Variants in RALGAPB observed in about 807,000 individuals in gnomAD.
RALGAPB encodes the protein ral GTPase-activating protein subunit beta.
A neutral mutation model predicts 161.1 loss-of-function variants in RALGAPB; 25 were observed. The observed-to-expected ratio is 0.16, with a 90% CI of 0.11 to 0.22. The LOEUF is 0.22. Among genes scored for constraint, RALGAPB ranks in the 10% least tolerant of loss-of-function variants. The pLI is 1.00. For missense variants in RALGAPB, 1,391 were observed against 1,815.2 expected (o/e 0.77, Z 4.25); for synonymous variants, 629 against 626.1 (o/e 1.00, Z -0.07).
intron 9 of RALGAPB, among the ~76,000 whole-genome samples, chr20:38,520,576 T>A (rs1244735796): frequency 6.6e-6 from 1 of 150,616 alleles, no homozygotes; most frequent in Non-Finnish European, 1.5e-5. Context: ...TATACAGATT[T>A]AGTGTTTGAT....
At chr20:38,516,424 A>G in intron 7 of RALGAPB, 54 bp downstream of exon 7, 2 of 1,511,390 alleles carry the variant, frequency 1.3e-6, no homozygotes, top group Non-Finnish European at 1.8e-6. Context: ...AGATAACTCT[A>G]GAGGCTAACC....
At chr20:38,529,461 G>A (rs1368426843) in intron 13 of RALGAPB, among the ~76,000 whole-genome samples, 1 of 151,524 alleles carries the variant, frequency 6.6e-6, no homozygotes. Context: ...AGGTTGCAGT[G>A]AGCCAAGATC....
chr20:38,542,942 A>T (rs1227267862), intron 18 of RALGAPB, among the ~76,000 whole-genome samples: 5 of 152,148 alleles, frequency 3.3e-5, no homozygotes, highest in Admixed American at 2.0e-4. Context: ...AAAGGAGGGG[A>T]CATTTCTCAC....
At position 38,565,474 on chromosome 20, in the gene RALGAPB, C is replaced by T; in HGVS notation, c.3813C>T (p.Ser1271=). 6.2e-7 allele frequency: 1 copy of T among 1,612,962 alleles called. No individual in the cohort carries two copies. The highest frequency in any genetic ancestry group is 8.5e-7 in the Non-Finnish European group (1 of 1,179,384). The change falls in exon 25 of 30, where the codon TCC becomes TCT. Residue 1271 remains serine (S), a synonymous_variant. Transcript: ENST00000262879. ...TTGTGGTTCCTTCTCCTGTGGAGTC[C>T]TTAAGTAAGATGATTTTTGCATGGT... ...IAFVVPSPVE[S]LTDSLESNIS...
In RALGAPB at chr20:38,574,765, A is replaced by G. The variant is rs569430820; in HGVS notation, c.4292-9A>G. ...TCTAACGTTTATTTTAAAACTCTCT[A>G]TTTTCAAGGCTTTCTGGTGAGGCAG... On this transcript the variant is annotated splice_polypyrimidine_tract_variant and intron_variant, in intron 29 of 29. Coordinates refer to ENST00000262879, the MANE Select transcript of RALGAPB (RefSeq NM_020336.4). The G allele has an allele frequency of 3.7e-6, 6 of 1,610,980 alleles. No homozygotes were observed. The highest frequency in any genetic ancestry group is 3.3e-5 in the South Asian group (3 of 90,936).
intron 16 of RALGAPB, 89 bp downstream of exon 16, chr20:38,535,296 T>C: frequency 7.0e-7 from 1 of 1,432,000 alleles, no homozygotes; most frequent in South Asian, 1.3e-5. Context: ...GTGGGTATTT[T>C]AGTGTTGATC....
chr20:38,484,329 A>C (rs80072286), intron 1 of RALGAPB, among the ~76,000 whole-genome samples: 62 of 152,272 alleles, frequency 4.1e-4, no homozygotes, highest in African/African-American at 1.5e-3. Flanking sequence ...GGACCTCCAT[A>C]GTTGGGTTAT....
intron 26 of RALGAPB, chr20:38,568,318 T>C (rs1000127711): frequency 1.3e-5 from 2 of 151,304 alleles, no homozygotes; most frequent in African/African-American, 4.8e-5. Flanking sequence ...GAAAACGCAG[T>C]TGACAAAAAT....
At chr20:38,475,706 C>T (rs1169345298) in intron 1 of RALGAPB, among the ~76,000 whole-genome samples, 4 of 151,792 alleles carry the variant, frequency 2.6e-5, no homozygotes, top group Admixed American at 2.6e-4. Flanking sequence ...CCTCCGCCTC[C>T]TGGGTTCAAA....
At chr20:38,488,248 T>A (rs1040261667) in intron 1 of RALGAPB, among the ~76,000 whole-genome samples, 155 bp from the exon 2 acceptor site, 1 of 152,208 alleles carries the variant, frequency 6.6e-6, no homozygotes. Flanking sequence ...TTGAAAAACA[T>A]TGATAGTTTC....
chr20:38,571,649 G>GA (rs1400748305), intron 28 of RALGAPB, among the ~76,000 whole-genome samples: 2 of 152,194 alleles, frequency 1.3e-5, no homozygotes, highest in African/African-American at 2.4e-5. Flanking sequence ...CTATTGTGAA[G>GA]AATGCTGCAG....
chr20:38,546,379 G>A lies in RALGAPB; in HGVS notation c.2851G>A (p.Asp951Asn). The change falls in exon 19 of 30, where the codon GAT (aspartate) becomes AAT (asparagine). Residue 951 changes from aspartate (D) to asparagine (N), a missense_variant. Physicochemically the swap from Asp to Asn is conservative, Grantham distance 23. Around this residue, in one of 3 missense-constraint regions of RALGAPB, gnomAD observed 946 missense variants for 1,257.2 expected, o/e 0.75. Coordinates refer to ENST00000262879, the MANE Select transcript of RALGAPB (RefSeq NM_020336.4). ...NKHSFRYFVL[D>N]NSVILAMLEQ... is the part of the protein sequence containing the mutation. The stretch of plus-strand genomic sequence containing the variant: ...GCATAGTTTCCGGTACTTTGTCTTG[G>A]ATAACAGTGTCATCCTGGCAATGCT... The A allele has an allele frequency of 6.2e-7, 1 of 1,614,034 alleles. No homozygotes were observed. The highest frequency in any genetic ancestry group is 2.2e-5 in the East Asian group (1 of 44,876).
chr20:38,573,222 A>C (rs1814054301), intron 28 of RALGAPB, among the ~76,000 whole-genome samples: 1 of 152,106 alleles, frequency 6.6e-6, no homozygotes, highest in East Asian at 1.9e-4. Context: ...CAAAGGTTGT[A>C]ATACAATTTG....
At chr20:38,574,722 CTACGTA>C in intron 29 of RALGAPB, 46 bp from the exon 30 acceptor site, 1 of 1,495,682 alleles carries the variant, frequency 6.7e-7, no homozygotes, top group African/African-American at 1.4e-5. Context: ...TACAGTTCAC[CTACGTA>C]AGTGACTAGT....
rs1740586761 is a variant in RALGAPB at position 38,577,974 on chromosome 20, C to T, written c.*3007C>T. ...GCAGAGTCTTTAAGAGTATTCATTTCTTCTGGAAGGTGGAGCTTTACCCAA... is the reference window on the plus strand; with the variant it reads ...GCAGAGTCTTTAAGAGTATTCATTTTTTCTGGAAGGTGGAGCTTTACCCAA... On this transcript the variant is annotated 3_prime_UTR_variant, in exon 30 of 30. Transcript: ENST00000262879. 6.6e-6 allele frequency: 1 copy of T among 152,082 alleles called. No homozygotes were observed. Among genetic ancestry groups the T allele is most frequent in the Admixed American group, 6.5e-5 (1 of 15,274 alleles). 9.4% of individuals were successfully genotyped at this position (152,082 alleles called of 1,614,324 possible).
intron 2 of RALGAPB, 46 bp downstream of exon 2, chr20:38,488,664 G>A: frequency 6.5e-7 from 1 of 1,534,034 alleles, no homozygotes; most frequent in African/African-American, 1.4e-5. Context: ...ATGTACATTT[G>A]TTCTTGAAGA....
intron 22 of RALGAPB, 63 bp downstream of exon 22, chr20:38,554,139 T>A: frequency 1.5e-6 from 2 of 1,367,244 alleles, no homozygotes; most frequent in Non-Finnish European, 1.0e-6. Flanking sequence ...TGACAATAGC[T>A]AAAATATTTT....
intron 9 of RALGAPB, 70 bp from the exon 10 acceptor site, chr20:38,521,427 T>A: frequency 6.3e-7 from 1 of 1,587,016 alleles, no homozygotes; most frequent in Non-Finnish European, 8.6e-7. Flanking sequence ...ATTTGATCTT[T>A]GTGTCCAGGG....
intron 1 of RALGAPB, among the ~76,000 whole-genome samples, chr20:38,481,627 C>G (rs535569181): frequency 6.6e-6 from 1 of 152,308 alleles, no homozygotes; most frequent in South Asian, 2.1e-4. Flanking sequence ...GTGGGAGTTA[C>G]AATTCAAGAT....
Sources: gnomAD v4.1 joint callset for allele counts (sites outside exome capture counted in the v4.1 genomes callset) on GRCh38, gnomAD v4.1.1 for gene constraint, gnomAD v4.1.1 regional missense constraint, MANE v1.5 for transcripts, NCBI Gene and HGNC (gene_info 2026-07-23, HGNC 2026-07-21) for gene names.